CMIP: variants seen among roughly 807,000 people sequenced by gnomAD.
The protein encoded by CMIP is C-Maf-inducing protein.
A neutral mutation model predicts 97.3 loss-of-function variants in CMIP; 13 were observed. The observed-to-expected ratio is 0.13, with a 90% CI of 0.09 to 0.21. CMIP has a LOEUF of 0.21. Ranked by LOEUF, CMIP falls within the 10% of genes least tolerant of loss-of-function variation. CMIP has a pLI of 1.00. For missense variants in CMIP, 847 were observed against 1,024.9 expected (o/e 0.83, Z 2.37); for synonymous variants, 538 against 436.3 (o/e 1.23, Z -2.91).
intron 10 of CMIP, among the ~76,000 whole-genome samples, chr16:81,686,362 G>C (rs1319419089): frequency 6.6e-6 from 1 of 152,180 alleles, no homozygotes; most frequent in Non-Finnish European, 1.5e-5. Context: ...CAGGCCTCAG[G>C]CTCCTGCAGC....
At chr16:81,580,468 C>T (rs554151793) in intron 1 of CMIP, among the ~76,000 whole-genome samples, 13 of 151,794 alleles carry the variant, frequency 8.6e-5, no homozygotes, top group Non-Finnish European at 1.9e-4. Flanking sequence ...GAGTCTCACT[C>T]TGTCACCCAG....
At chr16:81,688,195 C>G (rs1185076940) in intron 10 of CMIP, among the ~76,000 whole-genome samples, 2 of 152,180 alleles carry the variant, frequency 1.3e-5, no homozygotes, top group African/African-American at 4.8e-5. Context: ...TTACCCCTTC[C>G]TAGGCTGTGT....
intron 1 of CMIP, among the ~76,000 whole-genome samples, chr16:81,483,860 C>T (rs148514132): frequency 1.3e-4 from 20 of 152,284 alleles, no homozygotes; most frequent in Admixed American, 5.9e-4. Context: ...CAGATAGTGG[C>T]GATCTTTATC....
intron 1 of CMIP, among the ~76,000 whole-genome samples, chr16:81,515,745 T>C (rs1292950313): frequency 6.6e-6 from 1 of 152,222 alleles, no homozygotes; most frequent in Non-Finnish European, 1.5e-5. Flanking sequence ...GTCCTTGCTC[T>C]GATCTGCTGG....
chr16:81,564,031 T>C (rs1050553471), intron 1 of CMIP, among the ~76,000 whole-genome samples: 1 of 152,212 alleles, frequency 6.6e-6, no homozygotes, highest in Non-Finnish European at 1.5e-5. Flanking sequence ...CATTCTCCCA[T>C]TTCGTCCTCT....
At chr16:81,476,281 C>T (rs1567534505) in intron 1 of CMIP, 7 of 1,554,362 alleles carry the variant, frequency 4.5e-6, no homozygotes, top group Non-Finnish European at 5.3e-6. Flanking sequence ...AAATTTCTCC[C>T]CATAGATGGA....
chr16:81,480,462 C>T (rs1276261739), intron 1 of CMIP, among the ~76,000 whole-genome samples: 2 of 152,178 alleles, frequency 1.3e-5, no homozygotes, highest in Non-Finnish European at 2.9e-5. Context: ...ATCGCTTGAA[C>T]CCGAGAGGCA....
At chr16:81,582,723 T>A (rs1268174142) in intron 1 of CMIP, among the ~76,000 whole-genome samples, 2 of 152,190 alleles carry the variant, frequency 1.3e-5, no homozygotes, top group African/African-American at 2.4e-5. Context: ...CAGTCCTGAC[T>A]AGTGTATTGC....
At chr16:81,511,279 C>T (rs9940586) in intron 1 of CMIP, among the ~76,000 whole-genome samples, 30,294 of 152,176 alleles carry the variant, frequency 0.2, 4,432 homozygotes, top group African/African-American at 0.4. Flanking sequence ...ATACCATCCT[C>T]ATGCCTAAGA....
At chr16:81,469,059 T>G (rs1907373217) in intron 1 of CMIP, among the ~76,000 whole-genome samples, 3 of 152,204 alleles carry the variant, frequency 2.0e-5, no homozygotes, top group African/African-American at 4.8e-5. Flanking sequence ...GGATCAACCT[T>G]AGGCCCAAGA....
chr16:81,654,489 T>C (rs1428959843), intron 4 of CMIP, among the ~76,000 whole-genome samples: 1 of 152,182 alleles, frequency 6.6e-6, no homozygotes, highest in Non-Finnish European at 1.5e-5. Flanking sequence ...TGGAAGAAGT[T>C]TCCATGTGCT....
intron 10 of CMIP, among the ~76,000 whole-genome samples, chr16:81,680,001 CAGG>C (rs1352190675): frequency 1.3e-5 from 2 of 152,234 alleles, no homozygotes; most frequent in Non-Finnish European, 2.9e-5. Flanking sequence ...GCCCCACTCT[CAGG>C]AGTTTTGAAT....
intron 1 of CMIP, among the ~76,000 whole-genome samples, chr16:81,594,619 T>C (rs2091521465): frequency 6.6e-6 from 1 of 151,990 alleles, no homozygotes; most frequent in African/African-American, 2.4e-5. Context: ...TTTTTGTTTT[T>C]GTTTTTGTTT....
intron 1 of CMIP, among the ~76,000 whole-genome samples, chr16:81,514,061 G>A (rs546594354): frequency 2.6e-5 from 4 of 152,116 alleles, no homozygotes; most frequent in South Asian, 4.1e-4. Context: ...CAAAAACGCC[G>A]CCAGCTTTGT....
chr16:81,447,882 C>A (rs1905957559), intron 1 of CMIP, among the ~76,000 whole-genome samples: 1 of 152,138 alleles, frequency 6.6e-6, no homozygotes, highest in Non-Finnish European at 1.5e-5. Flanking sequence ...GGACTGCCAC[C>A]AGGGCTCTCG....
intron 1 of CMIP, among the ~76,000 whole-genome samples, chr16:81,515,347 C>T (rs1393977072): frequency 6.6e-6 from 1 of 152,198 alleles, no homozygotes; most frequent in Non-Finnish European, 1.5e-5. Flanking sequence ...TGTGGTCCCT[C>T]ACGCTTCTAG....
At chr16:81,533,631 G>C (rs537670572) in intron 1 of CMIP, among the ~76,000 whole-genome samples, 242 of 152,038 alleles carry the variant, frequency 1.6e-3, no homozygotes, top group African/African-American at 5.4e-3. Flanking sequence ...TGCACGTGCC[G>C]CCATGCCCAG....
chr16:81,542,051 T>C (rs2150840512), intron 1 of CMIP, among the ~76,000 whole-genome samples: 1 of 152,348 alleles, frequency 6.6e-6, no homozygotes, highest in East Asian at 1.9e-4. Context: ...AAAATGGTCG[T>C]GCCCCACCCT....
intron 7 of CMIP, among the ~76,000 whole-genome samples, chr16:81,668,041 T>TGGTA (rs1414213987): frequency 4.0e-5 from 6 of 151,296 alleles, no homozygotes; most frequent in Non-Finnish European, 8.8e-5. Context: ...CGGGAGGGAG[T>TGGTA]GGTAGGAACG....
Sources: allele counts gnomAD v4.1 joint callset (sites outside exome capture counted in the v4.1 genomes callset), GRCh38; gene constraint gnomAD v4.1.1; transcripts MANE v1.5; gene names NCBI Gene and HGNC (gene_info 2026-07-23, HGNC 2026-07-21).